The following CEACAM19 variants were observed in gnomAD, a reference collection of about 807,000 sequenced individuals.
CEACAM19 encodes CEA cell adhesion molecule 19, also known as cell adhesion molecule CEACAM19.
In CEACAM19, 37 loss-of-function variants were observed where a neutral mutation model predicts 37.6. The observed-to-expected ratio is 0.98, with a 90% confidence interval of 0.76 to 1.29. The LOEUF (loss-of-function observed/expected upper bound fraction) is 1.29. CEACAM19 is among the 50% of genes most tolerant of loss of function. The pLI, the probability that CEACAM19 is intolerant of heterozygous loss-of-function variation, is 0.00. For missense variants in CEACAM19, 340 were observed against 375.6 expected (o/e 0.91, Z 0.78); for synonymous variants, 140 against 149.8 (o/e 0.93, Z 0.48).
At chr19:44,669,437 A>C (rs1463803050), upstream of CEACAM19, among the ~76,000 whole-genome samples, 1 of 152,096 alleles carries the variant, frequency 6.6e-6, no homozygotes, top group Non-Finnish European at 1.5e-5. Context: ...ATTTATATTT[A>C]AATAGCCACA....
In CEACAM19 at chr19:44,680,335, GT is replaced by G. The variant is rs750454600; in HGVS notation, c.706+2del. The G allele has an allele frequency of 9.3e-6, 15 of 1,609,458 alleles. No individual in the cohort carries two copies. The highest frequency in any genetic ancestry group is 3.3e-4 in the Middle Eastern group (2 of 6,004). Reference sequence around the variant, plus strand: ...GAATTGGGCCCTGCTCATGATGCTGGTAAGGCGGGAGCCCCAGATCTCACTA... The same window carrying G: ...GAATTGGGCCCTGCTCATGATGCTGGAAGGCGGGAGCCCCAGATCTCACTA... On this transcript the variant is annotated splice_donor_variant, in intron 5 of 7. Transcript: ENST00000358777. LOFTEE classifies it high-confidence loss of function.
intron 2 of CEACAM19, among the ~76,000 whole-genome samples, chr19:44,674,882 AC>A (rs1178388533): frequency 6.6e-6 from 1 of 152,158 alleles, no homozygotes; most frequent in Non-Finnish European, 1.5e-5. Flanking sequence ...GCCTGAAGTG[AC>A]TTCTCCCCAC....
At chr19:44,678,512 G>A (rs972273424) in intron 3 of CEACAM19, 48 of 182,398 alleles carry the variant, frequency 2.6e-4, no homozygotes, top group African/African-American at 1.1e-3. Flanking sequence ...AGGGGTTCAA[G>A]CGATTTTCCT....
At chr19:44,680,431 G>A in intron 5 of CEACAM19, 97 bp downstream of exon 5, 1 of 1,152,516 alleles carries the variant, frequency 8.7e-7, no homozygotes, top group Non-Finnish European at 1.3e-6. Flanking sequence ...CTCACTCAGA[G>A]ACCTCCCAAT....
In CEACAM19 at chr19:44,676,437, G is replaced by A. The variant is rs761173836; in HGVS notation, c.575+16G>A. 1.9e-6 allele frequency: 3 copies of A among 1,613,660 alleles called. No homozygotes were observed. Among genetic ancestry groups the A allele is most frequent in the Non-Finnish European group, 2.5e-6 (3 of 1,179,778 alleles). On this transcript the variant is annotated intron_variant, in intron 3 of 7. Transcript: ENST00000358777. ...AGAGCCACAGGTACAGGGTCCCCAAGTGTCCCTCTCCTGTCTGCTCCCACT... is the reference window on the plus strand; with the variant it reads ...AGAGCCACAGGTACAGGGTCCCCAAATGTCCCTCTCCTGTCTGCTCCCACT...
upstream of CEACAM19, among the ~76,000 whole-genome samples, chr19:44,668,058 AAATATAT>A (rs1236528021): frequency 6.9e-5 from 6 of 86,378 alleles, no homozygotes; most frequent in Admixed American, 8.8e-4. Context: ...ATGTATATAT[AAATATAT>A]AATATATAAA....
chr19:44,673,138 A>C (rs914878173), intron 2 of CEACAM19, among the ~76,000 whole-genome samples, 174 bp downstream of exon 2: 1 of 152,238 alleles, frequency 6.6e-6, no homozygotes, highest in Admixed American at 6.5e-5. Flanking sequence ...CCTCACATGC[A>C]TTAACTAATA....
At chr19:44,674,294 C>T (rs1158055126) in intron 2 of CEACAM19, among the ~76,000 whole-genome samples, 1 of 150,302 alleles carries the variant, frequency 6.7e-6, no homozygotes, top group East Asian at 1.9e-4. Flanking sequence ...GGGTACAGCA[C>T]TTGTAAATAG....
At chr19:44,674,239 C>CAAAAAAAAA (rs1196127410) in intron 2 of CEACAM19, among the ~76,000 whole-genome samples, 1 of 127,370 alleles carries the variant, frequency 7.9e-6, no homozygotes. Flanking sequence ...GACTCCATCT[C>CAAAAAAAAA]AAAAAAAAAA....
In CEACAM19 at chr19:44,683,657, A is replaced by G; in HGVS notation, c.*167A>G. On this transcript the variant is annotated 3_prime_UTR_variant, in exon 8 of 8. Coordinates refer to ENST00000358777, the MANE Select transcript of CEACAM19 (RefSeq NM_001127893.3). ...GGGGCAGGTGTCCTGGCAGGGGGAC[A>G]GGAGACTGTAACAGGCCCAGGTCCT... 2.2e-6 allele frequency: 1 copy of G among 457,394 alleles called. No individual in the cohort carries two copies. 28.3% of individuals were successfully genotyped at this position (457,394 alleles called of 1,614,324 possible).
At chr19:44,682,792 C>G (rs1974086357) in intron 7 of CEACAM19, 172 bp downstream of exon 7, 1 of 586,034 alleles carries the variant, frequency 1.7e-6, no homozygotes. Flanking sequence ...CTGAGAGACC[C>G]TGGCAAGTCC....
At chr19:44,682,661 G>A (rs760353027) in intron 7 of CEACAM19, 41 bp downstream of exon 7, 8 of 1,558,222 alleles carry the variant, frequency 5.1e-6, no homozygotes, top group Middle Eastern at 1.9e-4. Flanking sequence ...GGGATCCCAC[G>A]GATCCAGGAG....
At chr19:44,672,408 C>A in intron 1 of CEACAM19, 188 bp from the exon 2 acceptor site, 1 of 582,140 alleles carries the variant, frequency 1.7e-6, no homozygotes, top group Non-Finnish European at 2.8e-6. Context: ...GATGGCAAAT[C>A]TGTGGTAACC....
chr19:44,666,141 CTCT>C (rs1973710650), intron 1 of CEACAM19: 1 of 152,128 alleles, frequency 6.6e-6, no homozygotes, highest in African/African-American at 2.4e-5. Context: ...TAAACCTTGA[CTCT>C]TCTTTTAATA....
rs554523140 is a variant in CEACAM19 at position 44,683,003 on chromosome 19, C to G, written c.846+383C>G. The G allele has an allele frequency of 1.1e-5, 3 of 265,260 alleles. No homozygotes were observed. The South Asian group carries it at 2.2e-4, about 19-fold the overall frequency. 16.4% of individuals were successfully genotyped at this position (265,260 alleles called of 1,614,324 possible). On this transcript the variant is annotated intron_variant, in intron 7 of 7. Coordinates refer to ENST00000358777, the MANE Select transcript of CEACAM19 (RefSeq NM_001127893.3). ...GCTGTCTGTCCCTGTAGTTCTGTCT[C>G]TCTCTCTCAGTGGCCTACATATGTC...
At position 44,672,825 on chromosome 19, in the gene CEACAM19, A is replaced by G; in HGVS notation, c.285A>G (p.Gly95=). The change falls in exon 2 of 8, where the codon GGA becomes GGG. Residue 95 remains glycine (G), a synonymous_variant. Coordinates refer to ENST00000358777, the MANE Select transcript of CEACAM19 (RefSeq NM_001127893.3). ...QRPQRDGSAM[G]QRDIVGFPNG... is the part of the protein sequence containing the mutation. ...CTCAGAGGGATGGCAGTGCCATGGG[A>G]CAGCGAGACATCGTGGGCTTCCCCA... 2 of 1,599,532 alleles carry G rather than the reference A, an allele frequency of 1.3e-6. No homozygotes were observed. Among genetic ancestry groups the G allele is most frequent in the Non-Finnish European group, 8.5e-7 (1 of 1,171,798 alleles).
chr19:44,666,352 C>G (rs758524982), intron 1 of CEACAM19, among the ~76,000 whole-genome samples: 2 of 152,018 alleles, frequency 1.3e-5, no homozygotes, highest in African/African-American at 4.8e-5. Flanking sequence ...CGGAGACAGA[C>G]CAAGGAAACT....
chr19:44,673,172 T>C (rs1177221596), intron 2 of CEACAM19, among the ~76,000 whole-genome samples: 2 of 152,248 alleles, frequency 1.3e-5, no homozygotes, highest in African/African-American at 4.8e-5. Flanking sequence ...ATGCCCGCCT[T>C]GTGCCTGACA....
chr19:44,681,420 A>C, intron 6 of CEACAM19, 108 bp downstream of exon 6: 62 of 661,432 alleles, frequency 9.4e-5, no homozygotes, highest in Middle Eastern at 3.2e-4. Context: ...TGGGAATCTC[A>C]ACTCTCTATA....
Sources: gnomAD v4.1 joint callset for allele counts (sites outside exome capture counted in the v4.1 genomes callset) on GRCh38, gnomAD v4.1.1 for gene constraint, MANE v1.5 for transcripts, NCBI Gene and HGNC (gene_info 2026-07-23, HGNC 2026-07-21) for gene names.